The following DCDC2 variants were observed in gnomAD, a reference collection of about 807,000 sequenced individuals.
DCDC2 encodes doublecortin domain-containing protein 2.
DCDC2 carries 40 observed loss-of-function variants against 50.2 expected under a neutral mutation model. The ratio of observed to expected loss-of-function variants is 0.80; its 90% confidence interval spans 0.62 to 1.04. DCDC2 has a LOEUF of 1.04. Ranked by LOEUF, DCDC2 falls within the 50% of genes least tolerant of loss-of-function variation. The pLI is 0.00. For synonymous variants in DCDC2, 234 were observed against 210.6 expected, an observed-to-expected ratio of 1.11 and a Z score of -0.96; for missense variants, 570 against 581.9, an observed-to-expected ratio of 0.98 and a Z score of 0.21.
chr6:24,215,926 CAG>C (rs1761963743), intron 7 of DCDC2, among the ~76,000 whole-genome samples: 1 of 152,174 alleles, frequency 6.6e-6, no homozygotes, highest in South Asian at 2.1e-4. Context: ...TTGAGGGAAA[CAG>C]AAGAGCTGAA....
In DCDC2 at chr6:24,341,732, G is replaced by A. The variant is rs75088152; in HGVS notation, c.348+11837C>T. Among the ~76,000 whole-genome samples, 1,124 of 152,174 alleles carry A rather than the reference G, an allele frequency of 7.4e-3. 13 individuals carry two copies. The highest frequency in any genetic ancestry group is 0.025 in the African/African-American group (1,038 of 41,506). The stretch of plus-strand genomic sequence containing the variant: ...TTTGAGAGGACAGCTGGTTATTTAG[G>A]GAACAGTCTGGGGCCAGGGACCTAG... On this transcript the variant is annotated intron_variant, in intron 2 of 9. Coordinates refer to ENST00000378454, the MANE Select transcript of DCDC2 (RefSeq NM_016356.5).
chr6:24,191,788 G>T (rs1408273299), intron 8 of DCDC2, among the ~76,000 whole-genome samples: 1 of 152,120 alleles, frequency 6.6e-6, no homozygotes, highest in Admixed American at 6.5e-5. Context: ...ACTTTAAAAT[G>T]ATGAACCCAT....
chr6:24,228,805 G>A (rs538958605), intron 7 of DCDC2, among the ~76,000 whole-genome samples: 10 of 152,240 alleles, frequency 6.6e-5, no homozygotes, highest in African/African-American at 1.4e-4. Context: ...TTGTGAGCTC[G>A]TGGTCACTGT....
chr6:24,261,718 A>G (rs917494025), intron 7 of DCDC2, among the ~76,000 whole-genome samples: 17 of 152,116 alleles, frequency 1.1e-4, no homozygotes, highest in African/African-American at 2.2e-4. Context: ...TCAATTCCCA[A>G]ATGAATTACT....
intron 7 of DCDC2, among the ~76,000 whole-genome samples, chr6:24,264,930 T>TATTCCATGC (rs1170646193): frequency 6.6e-6 from 1 of 151,694 alleles, no homozygotes; most frequent in Non-Finnish European, 1.5e-5. Flanking sequence ...TACAAAAAGA[T>TATTCCATGC]ATTCCATGCA....
At chr6:24,246,992 A>C (rs959508233) in intron 7 of DCDC2, among the ~76,000 whole-genome samples, 4 of 152,214 alleles carry the variant, frequency 2.6e-5, no homozygotes, top group African/African-American at 9.6e-5. Flanking sequence ...ATACCCACAG[A>C]AAAAGGTAAC....
At chr6:24,266,142 T>G (rs760536162) in intron 7 of DCDC2, among the ~76,000 whole-genome samples, 1 of 152,094 alleles carries the variant, frequency 6.6e-6, no homozygotes, top group Non-Finnish European at 1.5e-5. Flanking sequence ...GATATCCATA[T>G]GCAAAAGAAT....
At chr6:24,327,419 C>T (rs1472903412) in intron 2 of DCDC2, among the ~76,000 whole-genome samples, 1 of 148,620 alleles carries the variant, frequency 6.7e-6, no homozygotes, top group African/African-American at 2.4e-5. Context: ...GTTTTCATGG[C>T]AACAGTCCAC....
At chr6:24,349,627 T>C (rs1760327847) in intron 2 of DCDC2, among the ~76,000 whole-genome samples, 1 of 151,956 alleles carries the variant, frequency 6.6e-6, no homozygotes, top group Non-Finnish European at 1.5e-5. Context: ...GATGTGAAAC[T>C]GGACTGAGAG....
intron 2 of DCDC2, among the ~76,000 whole-genome samples, chr6:24,308,308 GC>G (rs1344714502): frequency 1.3e-5 from 2 of 152,188 alleles, no homozygotes; most frequent in African/African-American, 4.8e-5. Flanking sequence ...CAGAAAGCAA[GC>G]CCTGATTTCA....
At chr6:24,301,649 G>A (rs1581640589) in intron 4 of DCDC2, 66 bp downstream of exon 4, 11 of 1,582,684 alleles carry the variant, frequency 7.0e-6, no homozygotes, top group Admixed American at 5.3e-5. Flanking sequence ...CAGTGACTCC[G>A]GAGCCTCCTG....
chr6:24,339,655 T>C (rs1425873346), intron 2 of DCDC2, among the ~76,000 whole-genome samples: 1 of 152,150 alleles, frequency 6.6e-6, no homozygotes, highest in Non-Finnish European at 1.5e-5. Context: ...TTGTAATCCT[T>C]TAGGATCACT....
Position 24,172,094 on chromosome 6 carries a change from C to T in DCDC2, c.*2636G>A, listed in dbSNP as rs539204731. Reference sequence around the variant, plus strand: ...AGAGCCAGTCTGCCACGGAGACCACCATTCTCCACAGAGAAAACTGCCACA... The same window carrying T: ...AGAGCCAGTCTGCCACGGAGACCACTATTCTCCACAGAGAAAACTGCCACA... On this transcript the variant is annotated 3_prime_UTR_variant, in exon 10 of 10. Coordinates refer to ENST00000378454, the MANE Select transcript of DCDC2 (RefSeq NM_016356.5). 1 of 152,074 alleles carries T rather than the reference C, an allele frequency of 6.6e-6. No individual in the cohort carries two copies. The highest frequency in any genetic ancestry group is 1.9e-4 in the East Asian group (1 of 5,172). 9.4% of individuals were successfully genotyped at this position (152,074 alleles called of 1,614,324 possible).
the DCDC2 span, among the ~76,000 whole-genome samples, chr6:24,376,737 CA>C: frequency 0.041 from 1,926 of 46,692 alleles, 7 homozygotes; most frequent in African/African-American, 0.068. Flanking sequence ...CAGGTATATG[CA>C]AAAAAAAAAA....
chr6:24,232,064 T>A (rs901239156), intron 7 of DCDC2, among the ~76,000 whole-genome samples: 1 of 151,950 alleles, frequency 6.6e-6, no homozygotes, highest in Non-Finnish European at 1.5e-5. Flanking sequence ...AAATGCTCAA[T>A]TTTGTTGATG....
intron 2 of DCDC2, among the ~76,000 whole-genome samples, chr6:24,347,988 C>T (rs1760299039): frequency 6.6e-6 from 1 of 152,146 alleles, no homozygotes; most frequent in East Asian, 1.9e-4. Context: ...CAGTCTTCAG[C>T]GTGGTGGGTA....
At chr6:24,344,068 C>T (rs895850462) in intron 2 of DCDC2, among the ~76,000 whole-genome samples, 3 of 152,270 alleles carry the variant, frequency 2.0e-5, no homozygotes, top group Middle Eastern at 3.4e-3. Context: ...ACATATCCCT[C>T]CTGTCAAACT....
intron 2 of DCDC2, among the ~76,000 whole-genome samples, chr6:24,352,543 G>A (rs1442655570): frequency 6.6e-6 from 1 of 152,146 alleles, no homozygotes; most frequent in African/African-American, 2.4e-5. Context: ...GTTAAATGAT[G>A]TCTAGGAAGG....
chr6:24,323,201 C>G (rs1223852005), intron 2 of DCDC2, among the ~76,000 whole-genome samples: 1 of 152,170 alleles, frequency 6.6e-6, no homozygotes, highest in Non-Finnish European at 1.5e-5. Context: ...CAAGACTCCA[C>G]CTCAATTTAA....
Sources: gnomAD v4.1 joint callset for allele counts (sites outside exome capture counted in the v4.1 genomes callset) on GRCh38, gnomAD v4.1.1 for gene constraint, MANE v1.5 for transcripts, NCBI Gene and HGNC (gene_info 2026-07-23, HGNC 2026-07-21) for gene names.